The following SLC25A37 variants were observed in gnomAD, a reference collection of about 807,000 sequenced individuals.
The protein encoded by SLC25A37 is mitoferrin-1.
Under a neutral mutation model 31.0 loss-of-function variants are expected in SLC25A37, and 17 were observed. The observed-to-expected ratio is 0.55, with a 90% CI of 0.38 to 0.82. The LOEUF is 0.82. Among genes scored for constraint, SLC25A37 ranks in the 40% least tolerant of loss-of-function variants. The pLI is 0.00. For synonymous variants in SLC25A37, 222 were observed against 193.0 expected (o/e 1.15, Z -1.24); for missense variants, 404 against 465.8 (o/e 0.87, Z 1.22).
At position 23,573,254 on chromosome 8, in the gene SLC25A37, G is replaced by A. The variant is rs957905412; in HGVS notation, c.*1399G>A. The A allele has an allele frequency of 3.3e-5, 5 of 153,334 alleles. No homozygotes were observed. Among genetic ancestry groups the A allele is most frequent in the African/African-American group, 1.2e-4 (5 of 41,592 alleles). The allele number at this position is 153,334 out of a possible 1,614,324, so 9.5% of individuals were successfully genotyped here. ...CATCCTTGTCTGCTCTGCGTCACCC[G>A]AGAACACAGGCTTCGCAGCCTCGCT... On this transcript the variant is annotated 3_prime_UTR_variant, in exon 4 of 4. Transcript: ENST00000519973.
rs922895562 is a variant in SLC25A37 at position 23,574,725 on chromosome 8, T to G, written c.*2870T>G. 3.2e-5 allele frequency: 5 copies of G among 155,384 alleles called. No individual in the cohort carries two copies. Among genetic ancestry groups the G allele is most frequent in the Non-Finnish European group, 5.9e-5 (4 of 68,320 alleles). The allele number at this position is 155,384 out of a possible 1,614,324, so 9.6% of individuals were successfully genotyped here. On this transcript the variant is annotated 3_prime_UTR_variant, in exon 4 of 4. Coordinates refer to ENST00000519973, the MANE Select transcript of SLC25A37 (RefSeq NM_016612.4). ...TCCACGCAGACTGCAGTCCGGTTTC[T>G]TATTGTGACTTTGACAATGCAAAGT...
intron 1 of SLC25A37, among the ~76,000 whole-genome samples, chr8:23,562,848 G>A (rs2117446578): frequency 6.6e-6 from 1 of 152,282 alleles, no homozygotes; most frequent in Non-Finnish European, 1.5e-5. Flanking sequence ...TTCCAAAGCT[G>A]GGGTTCTTGA....
Position 23,529,341 on chromosome 8 carries a change from C to G in SLC25A37, c.210+129C>G. 2.3e-6 allele frequency: 2 copies of G among 858,320 alleles called. No homozygotes were observed. Among genetic ancestry groups the G allele is most frequent in the Non-Finnish European group, 3.3e-6 (2 of 609,456 alleles). 53.2% of individuals were successfully genotyped at this position (858,320 alleles called of 1,614,324 possible). Reference sequence around the variant, plus strand: ...AGCTCTCCCCAGGACCGCGGCTGGCCGGGGTCGCCCCAGGAGCAGCTGCGC... The same window carrying G: ...AGCTCTCCCCAGGACCGCGGCTGGCGGGGGTCGCCCCAGGAGCAGCTGCGC... On this transcript the variant is annotated intron_variant, in intron 1 of 3. Coordinates refer to ENST00000519973, the MANE Select transcript of SLC25A37 (RefSeq NM_016612.4). This position sits in a 1 kb window ranked among gnomAD's most constrained non-coding sequence, Gnocchi z 4.1.
intron 1 of SLC25A37, among the ~76,000 whole-genome samples, chr8:23,554,534 C>G (rs1223819087): frequency 6.6e-6 from 1 of 152,208 alleles, no homozygotes; most frequent in African/African-American, 2.4e-5. Context: ...TAACTTAATC[C>G]TTTTTGGTGG....
At chr8:23,543,788 G>A (rs890017001) in intron 1 of SLC25A37, among the ~76,000 whole-genome samples, 3 of 151,988 alleles carry the variant, frequency 2.0e-5, no homozygotes, top group South Asian at 2.1e-4. Context: ...TGCTTGCCTC[G>A]GCCTCCCAAG....
chr8:23,529,986 C>G lies in SLC25A37; in HGVS notation c.210+774C>G, dbSNP rs73671465. 2.8e-4 allele frequency among the ~76,000 whole-genome samples: 42 copies of G among 152,188 alleles called. No individual in the cohort carries two copies. The highest frequency in any genetic ancestry group is 9.6e-4 in the African/African-American group (40 of 41,516). On this transcript the variant is annotated intron_variant, in intron 1 of 3. Transcript: ENST00000519973. This position sits in a 1 kb window ranked among gnomAD's most constrained non-coding sequence, Gnocchi z 4.1. The stretch of plus-strand genomic sequence containing the variant: ...CTTTAAACCCTGTCTGTCACTTGCC[C>G]CGGTAGTTTTAACTGCATTTCTGTA...
intron 2 of SLC25A37, 185 bp downstream of exon 2, chr8:23,566,521 C>T: frequency 3.7e-6 from 5 of 1,351,582 alleles, no homozygotes; most frequent in East Asian, 3.1e-5. Context: ...CGCGCACACA[C>T]ATGCTTTTTT....
rs377419914 is a variant in SLC25A37 at position 23,566,385 on chromosome 8, C to T, written c.439+49C>T. On this transcript the variant is annotated intron_variant, in intron 2 of 3. Coordinates refer to ENST00000519973, the MANE Select transcript of SLC25A37 (RefSeq NM_016612.4). The stretch of plus-strand genomic sequence containing the variant: ...AGTTAGAAAGTTCTCTTCTTCAACA[C>T]GTCCCTCCCCAGGGTGTTCCTCCCT... 80 of 1,569,734 alleles carry T rather than the reference C, an allele frequency of 5.1e-5. No individual in the cohort carries two copies. The African/African-American group carries it at 5.4e-4, about 11-fold the overall frequency.
intron 3 of SLC25A37, among the ~76,000 whole-genome samples, 200 bp from the exon 4 acceptor site, chr8:23,571,135 A>G (rs557369532): frequency 6.6e-6 from 1 of 152,286 alleles, no homozygotes; most frequent in South Asian, 2.1e-4. Flanking sequence ...ATAAAAATGG[A>G]TTTTAACCTA....
chr8:23,571,934 C>CCT lies in SLC25A37; in HGVS notation c.*79_*80insCT. 2 of 1,352,992 alleles carry CCT rather than the reference C, an allele frequency of 1.5e-6. No homozygotes were observed. Among genetic ancestry groups the CCT allele is most frequent in the African/African-American group, 1.7e-5 (1 of 57,566 alleles). 83.8% of individuals were successfully genotyped at this position (1,352,992 alleles called of 1,614,324 possible). On this transcript the variant is annotated 3_prime_UTR_variant, in exon 4 of 4. Coordinates refer to ENST00000519973, the MANE Select transcript of SLC25A37 (RefSeq NM_016612.4). ...CCTTGCCCTCTCCTCACACGTAGAT[C>CCT]ATTTTTTTTTTGCAGGGTGCTGCCT...
intron 2 of SLC25A37, chr8:23,566,933 C>G: frequency 1.5e-6 from 1 of 654,802 alleles, no homozygotes; most frequent in South Asian, 6.8e-5. Context: ...AGTCTCATCT[C>G]TCTGCAAGCA....
intron 1 of SLC25A37, among the ~76,000 whole-genome samples, chr8:23,559,372 C>T (rs146573547): frequency 2.3e-5 from 3 of 129,934 alleles, no homozygotes; most frequent in East Asian, 2.3e-4. Context: ...TGCGCGCGCG[C>T]GTGTGTGTGT....
chr8:23,555,051 A>G (rs1802327036), intron 1 of SLC25A37, among the ~76,000 whole-genome samples: 1 of 151,992 alleles, frequency 6.6e-6, no homozygotes, highest in African/African-American at 2.4e-5. Context: ...ACAATAATTG[A>G]TCATCTAAGG....
At chr8:23,563,404 C>T (rs1323099857) in intron 1 of SLC25A37, among the ~76,000 whole-genome samples, 1 of 152,180 alleles carries the variant, frequency 6.6e-6, no homozygotes, top group African/African-American at 2.4e-5. Flanking sequence ...CCAGGTTGGT[C>T]TCAAACTCCT....
At chr8:23,540,066 G>A (rs1197900516) in intron 1 of SLC25A37, among the ~76,000 whole-genome samples, 1 of 152,190 alleles carries the variant, frequency 6.6e-6, no homozygotes, top group Non-Finnish European at 1.5e-5. Flanking sequence ...TATATTGCTG[G>A]TGCAATTGTT....
chr8:23,572,235 AAAAAAAAAAAAAATT>A lies in SLC25A37; in HGVS notation c.*381_*395del. Reference sequence around the variant, plus strand: ...AAAAAAAAAAAAAAAAAAAAAAAAAAAAAAAAAAAAAAATTTATGTATATAAAAGTTGCATTACAC... The same window carrying A: ...AAAAAAAAAAAAAAAAAAAAAAAAAATATGTATATAAAAGTTGCATTACAC... On this transcript the variant is annotated 3_prime_UTR_variant, in exon 4 of 4. Transcript: ENST00000519973. The A allele has an allele frequency of 1.7e-5, 1 of 57,390 alleles. No homozygotes were observed. The highest frequency in any genetic ancestry group is 5.4e-5 in the Non-Finnish European group (1 of 18,406). The allele number at this position is 57,390 out of a possible 1,614,324, so 3.6% of individuals were successfully genotyped here.
chr8:23,533,601 G>C (rs1451589215), intron 1 of SLC25A37, among the ~76,000 whole-genome samples: 1 of 152,196 alleles, frequency 6.6e-6, no homozygotes, highest in African/African-American at 2.4e-5. Flanking sequence ...TCTGACTTCA[G>C]GGGTTTCCTT....
intron 1 of SLC25A37, among the ~76,000 whole-genome samples, chr8:23,549,221 C>T (rs949844831): frequency 2.0e-5 from 3 of 152,176 alleles, no homozygotes; most frequent in African/African-American, 2.4e-5. Flanking sequence ...TCTTGCAGAA[C>T]GATCCTGTAG....
chr8:23,553,886 A>G (rs1213365123), intron 1 of SLC25A37, among the ~76,000 whole-genome samples: 1 of 152,222 alleles, frequency 6.6e-6, no homozygotes, highest in African/African-American at 2.4e-5. Context: ...TTTTGTGGAC[A>G]TTAACAAGTA....
Sources: allele counts gnomAD v4.1 joint callset (sites outside exome capture counted in the v4.1 genomes callset), GRCh38; gene constraint gnomAD v4.1.1; non-coding constraint Gnocchi (gnomAD v3.1); transcripts MANE v1.5; gene names NCBI Gene and HGNC (gene_info 2026-07-23, HGNC 2026-07-21).